SLCO3A1: variants seen among roughly 807,000 people sequenced by gnomAD.
The protein encoded by SLCO3A1 is solute carrier organic anion transporter family member 3A1.
SLCO3A1 carries 27 observed loss-of-function variants against 63.1 expected under a neutral mutation model. The ratio of observed to expected loss-of-function variants is 0.43; its 90% CI spans 0.32 to 0.59. The LOEUF (loss-of-function observed/expected upper bound fraction) is 0.59, where lower values mean the gene tolerates loss of function less well. Among genes scored for constraint, SLCO3A1 ranks in the 20% least tolerant of loss-of-function variants. The pLI is 0.09. For missense variants in SLCO3A1, 773 were observed against 945.8 expected (o/e 0.82, Z 2.40); for synonymous variants, 473 against 409.9 (o/e 1.15, Z -1.86).
chr15:91,997,092 C>G (rs1167964000), intron 2 of SLCO3A1, among the ~76,000 whole-genome samples: 1 of 152,134 alleles, frequency 6.6e-6, no homozygotes, highest in African/African-American at 2.4e-5. Flanking sequence ...GACTCTACAC[C>G]TAGAAAACCC....
At chr15:91,908,014 C>T (rs897399060) in intron 1 of SLCO3A1, among the ~76,000 whole-genome samples, 1 of 152,174 alleles carries the variant, frequency 6.6e-6, no homozygotes, top group Non-Finnish European at 1.5e-5. Flanking sequence ...CAACCCCAGG[C>T]ATAACTGTGA....
chr15:92,044,300 T>C (rs1387317211), intron 2 of SLCO3A1, among the ~76,000 whole-genome samples: 1 of 152,122 alleles, frequency 6.6e-6, no homozygotes, highest in African/African-American at 2.4e-5. Context: ...CCGAAACCAA[T>C]TTCACGAACC....
intron 1 of SLCO3A1, among the ~76,000 whole-genome samples, chr15:91,871,860 G>T (rs188263014): frequency 1.4e-5 from 2 of 147,168 alleles, no homozygotes; most frequent in South Asian, 2.1e-4. Flanking sequence ...TTATACAGAG[G>T]TTTAATTCTA....
intron 10 of SLCO3A1, chr15:92,171,635 C>T (rs1398792887): frequency 1.6e-6 from 1 of 642,384 alleles, no homozygotes; most frequent in Non-Finnish European, 2.8e-6. Context: ...GGAATGAAAC[C>T]CAGCACTTTA....
chr15:91,958,717 A>G (rs367610179), intron 2 of SLCO3A1, among the ~76,000 whole-genome samples: 22 of 152,352 alleles, frequency 1.4e-4, no homozygotes, highest in East Asian at 1.3e-3. Context: ...ACAATGATAT[A>G]GATACCACCT....
intron 7 of SLCO3A1, among the ~76,000 whole-genome samples, chr15:92,142,438 A>C (rs532436225): frequency 1.3e-5 from 2 of 152,228 alleles, no homozygotes; most frequent in African/African-American, 4.8e-5. Flanking sequence ...ATGTGGTGGG[A>C]GGGGCAAGGC....
chr15:92,087,009 C>G (rs1205344064), intron 2 of SLCO3A1, among the ~76,000 whole-genome samples: 1 of 150,314 alleles, frequency 6.7e-6, no homozygotes, highest in Non-Finnish European at 1.5e-5. Context: ...GAATATTTCT[C>G]TACCCCCAAC....
intron 2 of SLCO3A1, among the ~76,000 whole-genome samples, chr15:92,062,835 A>G (rs1597274359): frequency 6.6e-6 from 1 of 152,124 alleles, no homozygotes; most frequent in Admixed American, 6.5e-5. Flanking sequence ...TCAGTGTCCA[A>G]CCTTTCTCCC....
chr15:92,149,275 C>A (rs998337273), intron 8 of SLCO3A1: 1 of 152,222 alleles, frequency 6.6e-6, no homozygotes, highest in South Asian at 2.1e-4. Context: ...CCTAAATGAC[C>A]TAGGCTTGTA....
chr15:92,110,870 A>G (rs368064435), intron 4 of SLCO3A1, among the ~76,000 whole-genome samples: 3,712 of 71,252 alleles, frequency 0.052, 165 homozygotes, highest in African/African-American at 0.14. Context: ...TGTTTGACCA[A>G]TCCATAGACT....
rs2046900094 is a variant in SLCO3A1, at chr15:92,047,579, T to TA, written c.647-47301dup. Among the ~76,000 whole-genome samples the TA allele has an allele frequency of 9.8e-4, 18 of 18,426 alleles. 5 individuals carry two copies. The highest frequency in any genetic ancestry group is 1.5e-3 in the African/African-American group (7 of 4,538). The allele number at this position is 18,426 out of a possible 152,430, so 12.1% of individuals were successfully genotyped here. Reference sequence around the variant, plus strand: ...ATATAAATATATATATAAATATATATATAATATATATATAATATATAATAT... The same window carrying TA: ...ATATAAATATATATATAAATATATATAATAATATATATATAATATATAATAT... On this transcript the variant is annotated intron_variant, in intron 2 of 9. Transcript: ENST00000318445.
chr15:92,026,124 A>G (rs1221986587), intron 2 of SLCO3A1, among the ~76,000 whole-genome samples: 2 of 152,080 alleles, frequency 1.3e-5, no homozygotes. Flanking sequence ...GCCCTTGTCC[A>G]CCACCAGTCA....
intron 8 of SLCO3A1, among the ~76,000 whole-genome samples, chr15:92,150,088 A>G (rs951816404): frequency 1.3e-5 from 2 of 152,114 alleles, no homozygotes; most frequent in Admixed American, 6.5e-5. Flanking sequence ...GAAAGTCATG[A>G]CCTGCTGCCC....
chr15:92,156,387 C>T (rs1428829252), intron 9 of SLCO3A1, among the ~76,000 whole-genome samples: 1 of 152,212 alleles, frequency 6.6e-6, no homozygotes, highest in African/African-American at 2.4e-5. Context: ...CTGCACCACC[C>T]ATGATCTGCC....
intron 1 of SLCO3A1, among the ~76,000 whole-genome samples, chr15:91,905,551 C>T (rs1455692396): frequency 6.7e-6 from 1 of 149,922 alleles, no homozygotes; most frequent in Non-Finnish European, 1.5e-5. Context: ...ATTTTGGATC[C>T]ATGGTCGATC....
chr15:92,083,254 T>C (rs183788929), intron 2 of SLCO3A1, among the ~76,000 whole-genome samples: 4 of 152,350 alleles, frequency 2.6e-5, no homozygotes, highest in Admixed American at 2.0e-4. Context: ...AACCTCAGGC[T>C]TCCCCCAAAG....
At chr15:92,096,256 G>A (rs577512445) in intron 3 of SLCO3A1, among the ~76,000 whole-genome samples, 7 of 152,292 alleles carry the variant, frequency 4.6e-5, no homozygotes, top group African/African-American at 1.7e-4. Context: ...CAACCCAAGA[G>A]AAGGTGAGAG....
chr15:91,926,558 C>T (rs373249552), intron 2 of SLCO3A1, among the ~76,000 whole-genome samples: 1,642 of 126,040 alleles, frequency 0.013, 63 homozygotes, highest in African/African-American at 0.052. Context: ...CCTGCCAAGC[C>T]GTGTGTGTGT....
chr15:92,163,005 T>C lies in SLCO3A1; in HGVS notation c.2003T>C (p.Phe668Ser), dbSNP rs982451306. 2.5e-6 allele frequency: 4 copies of C among 1,612,536 alleles called. No homozygotes were observed. Among genetic ancestry groups the C allele is most frequent in the Admixed American group, 1.7e-5 (1 of 59,924 alleles). The change falls in exon 10 of 10, where the codon TTC becomes TCC. Residue 668 changes from phenylalanine to serine, a missense_variant. Phe to Ser is a radical substitution (Grantham distance 155, BLOSUM62 -2). Coordinates refer to ENST00000318445, the MANE Select transcript of SLCO3A1 (RefSeq NM_013272.4). ...GAGGGCGGGCTGAGCACCAGTGAGT[T>C]CTTTGCCTCTACTCTGACCCTAGAC... ...NHEGGLSTSE[F>S]FASTLTLDNL...
Sources: allele counts gnomAD v4.1 joint callset (sites outside exome capture counted in the v4.1 genomes callset), GRCh38; gene constraint gnomAD v4.1.1; transcripts MANE v1.5; gene names NCBI Gene and HGNC (gene_info 2026-07-23, HGNC 2026-07-21).